TULP4: variants seen among roughly 807,000 people sequenced by gnomAD.
TULP4 encodes TUB like protein 4.
Under a neutral mutation model 129.0 loss-of-function variants are expected in TULP4, and 16 were observed. The ratio of observed to expected loss-of-function variants is 0.12; its 90% CI spans 0.08 to 0.19. TULP4 has a LOEUF of 0.19. TULP4 is among the 10% of genes least tolerant of loss of function. TULP4 has a pLI of 1.00. For synonymous variants in TULP4, 998 were observed against 854.0 expected (o/e 1.17, Z -2.94); for missense variants, 1,842 against 2,059.1 (o/e 0.89, Z 2.04).
At chr6:158,474,759 TTTGCA>T (rs1779776435) in intron 6 of TULP4, among the ~76,000 whole-genome samples, 2 of 152,150 alleles carry the variant, frequency 1.3e-5, no homozygotes, top group African/African-American at 4.8e-5. Flanking sequence ...TTTCAGAATA[TTTGCA>T]TTGTATCAGG....
At chr6:158,324,099 G>A (rs1011042695) in intron 1 of TULP4, among the ~76,000 whole-genome samples, 1 of 152,110 alleles carries the variant, frequency 6.6e-6, no homozygotes, top group Non-Finnish European at 1.5e-5. Context: ...AATTTAAACC[G>A]ATAAAATGCA....
At chr6:158,240,515 G>T (rs1181722902) in intron 1 of TULP4, among the ~76,000 whole-genome samples, 2 of 90,128 alleles carry the variant, frequency 2.2e-5, no homozygotes, top group Non-Finnish European at 5.1e-5. Flanking sequence ...CTGGCCGGGC[G>T]GGGGGCTGAC....
chr6:158,343,315 C>T (rs1352135023), intron 1 of TULP4, among the ~76,000 whole-genome samples: 1 of 152,194 alleles, frequency 6.6e-6, no homozygotes, highest in African/African-American at 2.4e-5. Context: ...GGTTAGTTAA[C>T]TCATTGCTGG....
intron 1 of TULP4, among the ~76,000 whole-genome samples, chr6:158,373,776 T>C (rs1258227483): frequency 6.6e-6 from 1 of 152,212 alleles, no homozygotes; most frequent in South Asian, 2.1e-4. Context: ...TGTAGCATTC[T>C]TTCCATGTTA....
At chr6:158,262,049 A>T (rs966182750) in intron 1 of TULP4, among the ~76,000 whole-genome samples, 5 of 152,192 alleles carry the variant, frequency 3.3e-5, no homozygotes, top group African/African-American at 1.2e-4. Context: ...TGCTGCCCCA[A>T]ATAAAACCGG....
chr6:158,296,106 T>C (rs2066000955), intron 1 of TULP4, among the ~76,000 whole-genome samples: 1 of 152,224 alleles, frequency 6.6e-6, no homozygotes, highest in Non-Finnish European at 1.5e-5. Context: ...ATTATAGGTA[T>C]TCTTTCATAA....
At chr6:158,250,670 C>A (rs1778124404) in intron 1 of TULP4, among the ~76,000 whole-genome samples, 1 of 152,132 alleles carries the variant, frequency 6.6e-6, no homozygotes, top group South Asian at 2.1e-4. Context: ...TTCGCAAATA[C>A]CTCTTGTCTC....
chr6:158,279,979 G>A (rs1395426762), upstream of TULP4, among the ~76,000 whole-genome samples: 1 of 152,206 alleles, frequency 6.6e-6, no homozygotes, highest in Non-Finnish European at 1.5e-5. Flanking sequence ...CTAACTGCGT[G>A]GATAGACGAG....
intron 1 of TULP4, among the ~76,000 whole-genome samples, chr6:158,304,512 C>G (rs1306587899): frequency 6.6e-6 from 1 of 152,084 alleles, no homozygotes; most frequent in African/African-American, 2.4e-5. Context: ...CCTGTGTTAA[C>G]AGTGCTCAGG....
At chr6:158,436,656 A>G (rs1438478223) in intron 3 of TULP4, among the ~76,000 whole-genome samples, 5 of 152,216 alleles carry the variant, frequency 3.3e-5, no homozygotes, top group Admixed American at 3.3e-4. Flanking sequence ...ATATTTCTTT[A>G]TAAATACTAA....
intron 1 of TULP4, among the ~76,000 whole-genome samples, chr6:158,236,137 A>G (rs1777694066): frequency 6.6e-6 from 1 of 152,248 alleles, no homozygotes; most frequent in Non-Finnish European, 1.5e-5. Flanking sequence ...TTAAAATTCA[A>G]TAAATCTTAA....
At chr6:158,374,443 A>G (rs896517639) in intron 1 of TULP4, among the ~76,000 whole-genome samples, 1 of 152,154 alleles carries the variant, frequency 6.6e-6, no homozygotes, top group Admixed American at 6.6e-5. Context: ...CTGAGAAGCT[A>G]CTTCTTTAGT....
chr6:158,314,573 T>C lies in TULP4; in HGVS notation c.252+305T>C, dbSNP rs575074115. 1.4e-4 allele frequency among the ~76,000 whole-genome samples: 21 copies of C among 152,290 alleles called. 1 individual carries two copies. The South Asian group carries it at 3.9e-3, about 29-fold the overall frequency. On this transcript the variant is annotated intron_variant, in intron 1 of 13. Coordinates refer to ENST00000367097, the MANE Select transcript of TULP4 (RefSeq NM_020245.5). ...CAGCAGTAGGGAGGCCAGGGCGCTT[T>C]CTAACCAGGGTGGGGGGTTAAATTA...
In TULP4 at chr6:158,503,569, C is replaced by T; in HGVS notation, c.3906C>T (p.His1302=). ...CACCACCTGCCGACCTCCAAAGCCACTTGGGCACAGAGGTGATGGTAGAGA... is the reference window on the plus strand; with the variant it reads ...CACCACCTGCCGACCTCCAAAGCCATTTGGGCACAGAGGTGATGGTAGAGA... ...VSPPPADLQS[H]LGTEVMVETA... is the part of the protein sequence containing the mutation. Residue 1302 remains histidine, a synonymous_variant, in exon 13 of 14, where the codon CAC becomes CAT. Transcript: ENST00000367097. This position sits in a 1 kb window ranked among gnomAD's most constrained non-coding sequence, Gnocchi z 4.3. 6.2e-7 allele frequency: 1 copy of T among 1,614,008 alleles called. No individual in the cohort carries two copies. The highest frequency in any genetic ancestry group is 8.5e-7 in the Non-Finnish European group (1 of 1,180,008).
chr6:158,354,892 A>AG (rs1780608939), intron 1 of TULP4, among the ~76,000 whole-genome samples: 1 of 150,900 alleles, frequency 6.6e-6, no homozygotes, highest in Non-Finnish European at 1.5e-5. Context: ...CATCTCAAAA[A>AG]AAAAAAAAAA....
chr6:158,270,263 C>G (rs1052187405), intron 1 of TULP4, among the ~76,000 whole-genome samples: 1 of 152,126 alleles, frequency 6.6e-6, no homozygotes, highest in Non-Finnish European at 1.5e-5. Flanking sequence ...ACTTGGAGCT[C>G]TCTTTCTTTG....
chr6:158,502,165 AC>A lies in TULP4; in HGVS notation c.2507del (p.Pro836ArgfsTer30). 6.8e-7 allele frequency: 1 copy of A among 1,479,998 alleles called. No individual in the cohort carries two copies. The highest frequency in any genetic ancestry group is 1.6e-5 in the African/African-American group (1 of 64,248). 91.7% of individuals were successfully genotyped at this position (1,479,998 alleles called of 1,614,324 possible). Reference protein sequence around the residue: ...EVQVTKINPPPPYPGTIPAAP... With the variant: ...EVQVTKINPPXPYPGTIPAAP... ...TCCAGGTGACGAAGATAAACCCTCC[AC>A]CCCCGTACCCAGGAACCATCCCCGC... On this transcript the variant is annotated frameshift_variant, in exon 13 of 14. Coordinates refer to ENST00000367097, the MANE Select transcript of TULP4 (RefSeq NM_020245.5). LOFTEE classifies it high-confidence loss of function.
intron 6 of TULP4, among the ~76,000 whole-genome samples, chr6:158,475,385 C>G (rs907873950): frequency 1.3e-5 from 2 of 152,212 alleles, no homozygotes; most frequent in Non-Finnish European, 2.9e-5. Flanking sequence ...CAGATTTAGA[C>G]GTGTAAAATA....
intron 1 of TULP4, among the ~76,000 whole-genome samples, chr6:158,406,676 AG>A (rs1161351036): frequency 2.6e-5 from 4 of 152,236 alleles, no homozygotes; most frequent in Admixed American, 2.6e-4. Flanking sequence ...CTTTAATGGA[AG>A]AATCTTGCTG....
Sources: allele counts gnomAD v4.1 joint callset (sites outside exome capture counted in the v4.1 genomes callset), GRCh38; gene constraint gnomAD v4.1.1; non-coding constraint Gnocchi (gnomAD v3.1); transcripts MANE v1.5; gene names NCBI Gene and HGNC (gene_info 2026-07-23, HGNC 2026-07-21).